Variants in OR2C1 observed in about 807,000 individuals in gnomAD.
OR2C1 encodes olfactory receptor 2C1.
For synonymous variants in OR2C1, 209 were observed against 167.3 expected, an observed-to-expected ratio of 1.25 and a Z score of -1.92; for missense variants, 468 against 388.3, an observed-to-expected ratio of 1.21 and a Z score of -1.73.
upstream of OR2C1, among the ~76,000 whole-genome samples, chr16:3,351,651 C>G (rs78821745): frequency 3.5e-3 from 528 of 152,184 alleles, 4 homozygotes; most frequent in African/African-American, 0.012. Flanking sequence ...AGGTAAGACC[C>G]TCGGATAAGG....
the OR2C1 span, chr16:3,323,667 A>G: frequency 1.4e-6 from 1 of 692,562 alleles, no homozygotes. Context: ...ACAAAGGCCA[A>G]GGAATGTTTA....
chr16:3,327,141 C>CAT, the OR2C1 span, among the ~76,000 whole-genome samples: 3 of 152,016 alleles, frequency 2.0e-5, no homozygotes, highest in Non-Finnish European at 4.4e-5. Flanking sequence ...AGTTATCAAA[C>CAT]ATATATATAA....
At chr16:3,355,755 C>G (rs1596414797), upstream of OR2C1, 7 of 589,072 alleles carry the variant, frequency 1.2e-5, no homozygotes, top group East Asian at 2.0e-4. Flanking sequence ...GCACTCCAAC[C>G]TGGGTGACAG....
the OR2C1 span, among the ~76,000 whole-genome samples, chr16:3,334,263 G>A: frequency 4.0e-5 from 6 of 150,884 alleles, no homozygotes; most frequent in Admixed American, 4.0e-4. Flanking sequence ...TCAGCCTCCC[G>A]AGTAGCTGGG....
At chr16:3,328,028 C>T in the OR2C1 span, among the ~76,000 whole-genome samples, 1 of 152,182 alleles carries the variant, frequency 6.6e-6, no homozygotes, top group African/African-American at 2.4e-5. Context: ...CCCTATTCTA[C>T]TTTCTTCCTC....
At chr16:3,349,475 C>G in the OR2C1 span, among the ~76,000 whole-genome samples, 1 of 152,284 alleles carries the variant, frequency 6.6e-6, no homozygotes, top group East Asian at 1.9e-4. Flanking sequence ...GGCCCCAGTT[C>G]GCGGACAGGA....
rs768876097 is a variant in OR2C1 at position 3,356,282 on chromosome 16, G to T, written c.342G>T (p.Leu114=). The T allele has an allele frequency of 4.3e-6, 7 of 1,613,690 alleles. No homozygotes were observed. Among genetic ancestry groups the T allele is most frequent in the Non-Finnish European group, 5.1e-6 (6 of 1,180,028 alleles). Reference sequence around the variant, plus strand: ...GGCTGGGGGCCACCGAGTGCATCCTGCTGGTGGTGATGGCATTTGACCGCT... The same window carrying T: ...GGCTGGGGGCCACCGAGTGCATCCTTCTGGTGGTGATGGCATTTGACCGCT... ...FLWLGATECI[L]LVVMAFDRYV... Residue 114 remains leucine (L), a synonymous_variant, in exon 1 of 1, where the codon CTG becomes CTT. Transcript: ENST00000304936.
At chr16:3,347,735 C>G in the OR2C1 span, among the ~76,000 whole-genome samples, 1 of 152,056 alleles carries the variant, frequency 6.6e-6, no homozygotes, top group Admixed American at 6.6e-5. Context: ...AAATCTAGCC[C>G]TTAAAGGAGT....
the OR2C1 span, among the ~76,000 whole-genome samples, chr16:3,344,405 A>G: frequency 7.2e-5 from 11 of 152,302 alleles, no homozygotes; most frequent in East Asian, 2.1e-3. Flanking sequence ...TTGAGATAAC[A>G]TTTTATGCTC....
chr16:3,339,396 G>A, the OR2C1 span, among the ~76,000 whole-genome samples: 1 of 151,728 alleles, frequency 6.6e-6, no homozygotes, highest in South Asian at 2.1e-4. Context: ...TTGTGGGGTT[G>A]TATGGTAATT....
At chr16:3,338,605 T>G in the OR2C1 span, among the ~76,000 whole-genome samples, 28 of 139,160 alleles carry the variant, frequency 2.0e-4, no homozygotes, top group African/African-American at 6.9e-4. Flanking sequence ...TGGCGCGCTC[T>G]CGGCTCACTG....
the OR2C1 span, among the ~76,000 whole-genome samples, chr16:3,329,951 C>T: frequency 6.6e-6 from 1 of 151,340 alleles, no homozygotes; most frequent in Non-Finnish European, 1.5e-5. Flanking sequence ...GATGGGGTTT[C>T]ACCATATTGA....
the OR2C1 span, among the ~76,000 whole-genome samples, chr16:3,326,261 C>T: frequency 6.6e-6 from 1 of 151,948 alleles, no homozygotes; most frequent in African/African-American, 2.4e-5. Flanking sequence ...GCCTGGGACG[C>T]CGAGAACAAA....
At chr16:3,326,188 C>G in the OR2C1 span, among the ~76,000 whole-genome samples, 1 of 151,994 alleles carries the variant, frequency 6.6e-6, no homozygotes, top group Non-Finnish European at 1.5e-5. Context: ...CTCGCCCTCC[C>G]AAAGTGCTGG....
At chr16:3,326,851 C>T in the OR2C1 span, among the ~76,000 whole-genome samples, 3 of 152,232 alleles carry the variant, frequency 2.0e-5, no homozygotes, top group East Asian at 3.9e-4. Context: ...ATGAAATCAG[C>T]ATCATAGAAA....
chr16:3,339,783 T>C, the OR2C1 span, among the ~76,000 whole-genome samples: 1 of 151,904 alleles, frequency 6.6e-6, no homozygotes, highest in African/African-American at 2.4e-5. Flanking sequence ...CAGCAATGCA[T>C]GAGAGTTCTG....
chr16:3,343,779 C>G, the OR2C1 span, among the ~76,000 whole-genome samples: 5 of 151,850 alleles, frequency 3.3e-5, no homozygotes, highest in African/African-American at 7.3e-5. Flanking sequence ...CCTAAAAGCA[C>G]AAACCAACAT....
the OR2C1 span, among the ~76,000 whole-genome samples, chr16:3,329,169 GACACACACACACACAC>G: frequency 1.8e-4 from 21 of 115,150 alleles, no homozygotes; most frequent in East Asian, 3.0e-4. Flanking sequence ...TGGGAGGGAA[GACACACACACACACAC>G]ACACACACAC....
the OR2C1 span, among the ~76,000 whole-genome samples, chr16:3,349,666 A>G: frequency 6.6e-6 from 1 of 152,042 alleles, no homozygotes; most frequent in African/African-American, 2.4e-5. Flanking sequence ...CAGGGGGGAA[A>G]AAAGATGGGA....
Sources: allele counts gnomAD v4.1 joint callset (sites outside exome capture counted in the v4.1 genomes callset), GRCh38; gene constraint gnomAD v4.1.1; transcripts MANE v1.5; gene names NCBI Gene and HGNC (gene_info 2026-07-23, HGNC 2026-07-21).